Variants in ADGRG7 observed in about 807,000 individuals in gnomAD.
The protein encoded by ADGRG7 is G-protein coupled receptor 128.
In ADGRG7, 82 loss-of-function variants were observed where a neutral mutation model predicts 88.6. That is an observed-to-expected ratio of 0.93 (90% confidence interval 0.77 to 1.11). ADGRG7 has a LOEUF of 1.11. Ranked by LOEUF, ADGRG7 falls within the 50% of genes most tolerant of loss-of-function variation. ADGRG7 has a pLI of 0.00. For missense variants in ADGRG7, 945 were observed against 953.4 expected (o/e 0.99, Z 0.12); for synonymous variants, 381 against 345.2 (o/e 1.10, Z -1.15).
chr3:100,617,149 T>G (rs1707237559), intron 1 of ADGRG7, among the ~76,000 whole-genome samples: 1 of 152,030 alleles, frequency 6.6e-6, no homozygotes. Context: ...TAAAGAAAAT[T>G]TAAAAGATGT....
At chr3:100,633,086 A>G (rs769533373) in intron 3 of ADGRG7, among the ~76,000 whole-genome samples, 179 bp from the exon 4 acceptor site, 2 of 152,198 alleles carry the variant, frequency 1.3e-5, no homozygotes, top group African/African-American at 2.4e-5. Flanking sequence ...GAAATAGTCA[A>G]CTGGTCTTTT....
chr3:100,683,054 C>A (rs1410802642), intron 15 of ADGRG7, among the ~76,000 whole-genome samples: 1 of 152,110 alleles, frequency 6.6e-6, no homozygotes, highest in Non-Finnish European at 1.5e-5. Context: ...CTCCTGAGAG[C>A]TGAGTGCTCA....
At chr3:100,665,992 T>C (rs1043919404) in intron 14 of ADGRG7, among the ~76,000 whole-genome samples, 1 of 151,972 alleles carries the variant, frequency 6.6e-6, no homozygotes, top group Non-Finnish European at 1.5e-5. Flanking sequence ...ATGAGTTGAG[T>C]GTTGGCTGGG....
intron 14 of ADGRG7, among the ~76,000 whole-genome samples, chr3:100,666,287 G>A (rs1313089270): frequency 6.6e-6 from 1 of 152,106 alleles, no homozygotes; most frequent in African/African-American, 2.4e-5. Flanking sequence ...GGAGGATCCC[G>A]CCAGCCTCTG....
chr3:100,634,247 C>T (rs1224516203), intron 4 of ADGRG7, among the ~76,000 whole-genome samples: 1 of 152,154 alleles, frequency 6.6e-6, no homozygotes, highest in Non-Finnish European at 1.5e-5. Flanking sequence ...TTATGTACAG[C>T]CTTTCATGTG....
chr3:100,654,849 C>A lies in ADGRG7; in HGVS notation c.1394C>A (p.Thr465Asn). The A allele has an allele frequency of 6.4e-7, 1 of 1,563,398 alleles. No homozygotes were observed. The change falls in exon 12 of 16, where the codon ACC becomes AAC. Residue 465 changes from threonine (T) to asparagine (N), a missense_variant. By Grantham distance (65) the Thr-to-Asn change is moderately conservative. Transcript: ENST00000273352. ...CTTATTTTCAGGAAAGTCAGAAAAA[C>A]CTCAGTAACCTGGGTTTTGGTCAAT... Reference protein sequence around the residue: ...FQIVTRKVRKTSVTWVLVNLC... With the variant: ...FQIVTRKVRKNSVTWVLVNLC...
intron 15 of ADGRG7, among the ~76,000 whole-genome samples, chr3:100,694,419 A>G (rs75937188): frequency 0.031 from 4,733 of 152,312 alleles, 255 homozygotes; most frequent in African/African-American, 0.11. Flanking sequence ...TAGGTATTTC[A>G]TAGTTAATCT....
intron 6 of ADGRG7, among the ~76,000 whole-genome samples, chr3:100,640,218 C>A (rs983764154): frequency 7.2e-5 from 11 of 152,324 alleles, no homozygotes; most frequent in African/African-American, 2.6e-4. Flanking sequence ...CATTTGCTTT[C>A]CAAACTCTAT....
At chr3:100,612,584 A>T (rs893502208) in intron 1 of ADGRG7, among the ~76,000 whole-genome samples, 2 of 152,244 alleles carry the variant, frequency 1.3e-5, no homozygotes, top group African/African-American at 4.8e-5. Flanking sequence ...TCATAGACAG[A>T]TGTCCACAAT....
chr3:100,620,923 A>G (rs567227944), intron 1 of ADGRG7, among the ~76,000 whole-genome samples: 25 of 151,894 alleles, frequency 1.6e-4, no homozygotes, highest in East Asian at 7.7e-4. Context: ...TGCTCGCTTC[A>G]TGTCTCTGTG....
rs558369406 is a variant in ADGRG7, at chr3:100,637,270, T to C, written c.598-32T>C. On this transcript the variant is annotated intron_variant, in intron 5 of 15. Coordinates refer to ENST00000273352, the MANE Select transcript of ADGRG7 (RefSeq NM_032787.3). ...GGTGATGATAATGTATGATATATGCTTCTCTGATGATCAGTATCTTCTCTT... is the reference window on the plus strand; with the variant it reads ...GGTGATGATAATGTATGATATATGCCTCTCTGATGATCAGTATCTTCTCTT... The C allele has an allele frequency of 1.4e-5, 19 of 1,360,642 alleles. 1 individual carries two copies. In the South Asian group the frequency reaches 1.5e-4, roughly 11 times the overall value. 84.3% of individuals were successfully genotyped at this position (1,360,642 alleles called of 1,614,324 possible).
Position 100,609,835 on chromosome 3 carries a change from G to A in ADGRG7, c.-22G>A. 1 of 1,567,592 alleles carries A rather than the reference G, an allele frequency of 6.4e-7. No homozygotes were observed. Among genetic ancestry groups the A allele is most frequent in the Non-Finnish European group, 8.8e-7 (1 of 1,138,120 alleles). On this transcript the variant is annotated 5_prime_UTR_variant, in exon 1 of 16. Transcript: ENST00000273352. The stretch of plus-strand genomic sequence containing the variant: ...AGCTAGTTATTTCTCACCCAGGAGT[G>A]GATTTGTGGTTTGGCTTCACCATGG...
Position 100,642,669 on chromosome 3 carries a change from C to G in ADGRG7, c.699-597C>G, listed in dbSNP as rs80077437. ...ATGCCAAATTGACAGGTTGCCCCCA[C>G]TCCCTCCCACCTTCCATCTAATCTA... On this transcript the variant is annotated intron_variant, in intron 6 of 15. Coordinates refer to ENST00000273352, the MANE Select transcript of ADGRG7 (RefSeq NM_032787.3). Among the ~76,000 whole-genome samples the G allele has an allele frequency of 6.0e-3, 907 of 152,316 alleles. 10 individuals are homozygous for G. Among genetic ancestry groups the G allele is most frequent in the African/African-American group, 0.021 (877 of 41,572 alleles).
chr3:100,643,826 T>G (rs1358927484), intron 8 of ADGRG7, among the ~76,000 whole-genome samples, 193 bp downstream of exon 8: 1 of 152,228 alleles, frequency 6.6e-6, no homozygotes. Context: ...AATTTCTTTG[T>G]TTTTTCTTTT....
chr3:100,685,944 C>G (rs1234693558), intron 15 of ADGRG7, among the ~76,000 whole-genome samples: 3 of 151,052 alleles, frequency 2.0e-5, no homozygotes, highest in African/African-American at 7.3e-5. Context: ...CCTGAGGAAT[C>G]GCCACACTGA....
chr3:100,626,796 A>G (rs1284652454), intron 1 of ADGRG7, among the ~76,000 whole-genome samples: 3 of 152,220 alleles, frequency 2.0e-5, no homozygotes, highest in Admixed American at 6.5e-5. Context: ...AGAAAAAAAA[A>G]TTATCTGAAC....
intron 15 of ADGRG7, among the ~76,000 whole-genome samples, chr3:100,690,716 C>T (rs889062875): frequency 1.3e-5 from 2 of 152,168 alleles, no homozygotes; most frequent in African/African-American, 2.4e-5. Flanking sequence ...GCTGCCTGAT[C>T]GTTCCTCTGG....
At chr3:100,682,064 C>T (rs1165328732) in intron 15 of ADGRG7, among the ~76,000 whole-genome samples, 3 of 152,210 alleles carry the variant, frequency 2.0e-5, no homozygotes, top group Non-Finnish European at 4.4e-5. Flanking sequence ...GCTGCCATGG[C>T]TCCGGCTGCA....
intron 11 of ADGRG7, among the ~76,000 whole-genome samples, chr3:100,653,234 T>C (rs1241704820): frequency 6.6e-6 from 1 of 152,198 alleles, no homozygotes; most frequent in Non-Finnish European, 1.5e-5. Context: ...TGAAACAAAT[T>C]AAAAATATTT....
Sources: gnomAD v4.1 joint callset for allele counts (sites outside exome capture counted in the v4.1 genomes callset) on GRCh38, gnomAD v4.1.1 for gene constraint, MANE v1.5 for transcripts, NCBI Gene and HGNC (gene_info 2026-07-23, HGNC 2026-07-21) for gene names.